Variants in LETM1 observed in about 807,000 individuals in gnomAD.
The protein encoded by LETM1 is mitochondrial proton/calcium exchanger protein.
In LETM1, 50 loss-of-function variants were observed where a neutral mutation model predicts 74.5. The observed-to-expected ratio is 0.67, with a 90% CI of 0.53 to 0.85. The LOEUF is 0.85. Ranked by LOEUF, LETM1 falls within the 40% of genes least tolerant of loss-of-function variation. The probability of loss-of-function intolerance (pLI) is 0.00; values close to 1 mark genes in which losing one functional copy is unlikely to be tolerated. For missense variants in LETM1, 824 were observed against 967.8 expected, an observed-to-expected ratio of 0.85 and a Z score of 1.97; for synonymous variants, 446 against 407.1, an observed-to-expected ratio of 1.10 and a Z score of -1.15.
At chr4:1,842,453 T>C (rs900831089) in intron 2 of LETM1, among the ~76,000 whole-genome samples, 2 of 152,132 alleles carry the variant, frequency 1.3e-5, no homozygotes, top group African/African-American at 4.8e-5. Flanking sequence ...CGCCTGGACA[T>C]CCCTAGCTCA....
In LETM1 at chr4:1,841,335, T is replaced by C. The variant is rs371423210; in HGVS notation, c.594+12A>G. The C allele has an allele frequency of 1.1e-5, 17 of 1,609,018 alleles. No individual in the cohort carries two copies. Among genetic ancestry groups the C allele is most frequent in the East Asian group, 2.2e-5 (1 of 44,782 alleles). ...AAGAAAGAAAAGAAAGGACTAGACA[T>C]GTCCCCATTACCTGCCTGCGCTCCC... On this transcript the variant is annotated intron_variant, in intron 3 of 13. Coordinates refer to ENST00000302787, the MANE Select transcript of LETM1 (RefSeq NM_012318.3).
chr4:1,822,350 C>G, intron 9 of LETM1, 38 bp from the exon 10 acceptor site: 1 of 1,420,038 alleles, frequency 7.0e-7, no homozygotes, highest in Non-Finnish European at 9.3e-7. Context: ...CGCCCGCCAT[C>G]ACACAGAAGC....
intron 1 of LETM1, among the ~76,000 whole-genome samples, chr4:1,854,903 C>T (rs1188182649): frequency 6.6e-6 from 1 of 150,880 alleles, no homozygotes; most frequent in African/African-American, 2.4e-5. Context: ...AATATTGAAG[C>T]TGGGTGCCTG....
rs1444168792 is a variant in LETM1 at position 1,815,818 on chromosome 4, C to T, written c.1932-16G>A. ...GACGTTCTCCCTGTGGAAGCACAGC[C>T]TGCATGTGGCCACGGGCAGGCGTCC... is the stretch of plus-strand genomic sequence containing the variant. On this transcript the variant is annotated splice_polypyrimidine_tract_variant and intron_variant, in intron 12 of 13. Coordinates refer to ENST00000302787, the MANE Select transcript of LETM1 (RefSeq NM_012318.3). The T allele has an allele frequency of 1.4e-5, 22 of 1,612,380 alleles. No individual in the cohort carries two copies. Among genetic ancestry groups the T allele is most frequent in the Non-Finnish European group, 1.7e-5 (20 of 1,179,050 alleles).
chr4:1,855,050 C>T (rs996651448), intron 1 of LETM1, among the ~76,000 whole-genome samples: 1 of 151,986 alleles, frequency 6.6e-6, no homozygotes, highest in Non-Finnish European at 1.5e-5. Flanking sequence ...AAAAAATTAG[C>T]TGGGTGTTGT....
chr4:1,833,157 C>A (rs1712340442), intron 5 of LETM1: 1 of 562,836 alleles, frequency 1.8e-6, no homozygotes, highest in African/African-American at 1.9e-5. Flanking sequence ...CTGCAACCTC[C>A]ACCTCCTGGG....
In LETM1 at chr4:1,817,438, G is replaced by A. The variant is rs758941477; in HGVS notation, c.1744-524C>T. On this transcript the variant is annotated intron_variant, in intron 11 of 13. Transcript: ENST00000302787. The stretch of plus-strand genomic sequence containing the variant: ...TAGCCAGGCGTGGTGGTGCACACCT[G>A]TAGTGCCAGCTACCCAGGAGTCTGA... 7.3e-5 allele frequency among the ~76,000 whole-genome samples: 11 copies of A among 151,436 alleles called. No individual in the cohort carries two copies. In the East Asian group the frequency reaches 2.2e-3, roughly 30 times the overall value.
chr4:1,838,641 G>A (rs1464496005), intron 3 of LETM1, among the ~76,000 whole-genome samples: 3 of 152,174 alleles, frequency 2.0e-5, no homozygotes, highest in Non-Finnish European at 2.9e-5. Flanking sequence ...GGTTGCAACT[G>A]CACTCCAGCC....
rs900744346 is a variant in LETM1 at position 1,838,349 on chromosome 4, C to T, written c.595-1777G>A. On this transcript the variant is annotated intron_variant, in intron 3 of 13. Transcript: ENST00000302787. ...TCTTGACCTCATGATCGGCCCGCCT[C>T]GGCCTCCCAAAGTTCTGGGATTACA... Among the ~76,000 whole-genome samples the T allele has an allele frequency of 2.6e-5, 4 of 151,948 alleles. No individual in the cohort carries two copies. In the East Asian group the frequency reaches 5.8e-4, roughly 22 times the overall value.
rs2108848557 is a variant in LETM1, at chr4:1,836,470, G to A, written c.697C>T (p.Pro233Ser). Residue 233 changes from proline to serine, a missense_variant, in exon 4 of 14, where the codon CCC becomes TCC. Around this residue, in one of 4 missense-constraint regions of LETM1, gnomAD observed 269 missense variants for 348.8 expected, o/e 0.77. Transcript: ENST00000302787. The surrounding 1 kb of genome is among the most constrained non-coding windows in gnomAD (Gnocchi z 5.8). The stretch of plus-strand genomic sequence containing the variant: ...TCAAATGTGGATGGCAACATGTTGG[G>A]GAAGAGCTTCACAGCAACAGGCAGC... ...FLLPVAVKLF[P>S]NMLPSTFETQ... 6.2e-7 allele frequency: 1 copy of A among 1,614,018 alleles called. No individual in the cohort carries two copies. The highest frequency in any genetic ancestry group is 1.7e-4 in the Middle Eastern group (1 of 6,060).
At chr4:1,817,813 CCAG>C (rs1711627048) in intron 11 of LETM1, among the ~76,000 whole-genome samples, 1 of 152,058 alleles carries the variant, frequency 6.6e-6, no homozygotes, top group Non-Finnish European at 1.5e-5. Flanking sequence ...GCTCTGTCAC[CCAG>C]ACTGGAGTAA....
In LETM1 at chr4:1,832,911, T is replaced by G. The variant is rs775882709; in HGVS notation, c.913A>C (p.Ile305Leu). 2.5e-6 allele frequency: 4 copies of G among 1,612,526 alleles called. 1 individual carries two copies. In the Admixed American group the frequency reaches 6.7e-5, roughly 27 times the overall value. ...TCAAATAATTTGGAAAAACGCATGATTTCCTCATTGCTGGGCCTCTCCCCT... is the reference window on the plus strand; with the variant it reads ...TCAAATAATTTGGAAAAACGCATGAGTTCCTCATTGCTGGGCCTCTCCCCT... ...ETGERPSNEE[I>L]MRFSKLFEDE... The change falls in exon 6 of 14, where the codon ATC (isoleucine) becomes CTC (leucine). Residue 305 changes from isoleucine to leucine, a missense_variant. By Grantham distance (5) the Ile-to-Leu change is conservative. This residue lies in a region of LETM1 where 269 missense variants were observed against 348.8 expected (regional missense o/e 0.77). Coordinates refer to ENST00000302787, the MANE Select transcript of LETM1 (RefSeq NM_012318.3).
At chr4:1,843,625 G>A (rs1030365477) in intron 2 of LETM1, among the ~76,000 whole-genome samples, 3 of 152,192 alleles carry the variant, frequency 2.0e-5, no homozygotes, top group African/African-American at 4.8e-5. Context: ...AAATAGACAC[G>A]TGGAAGGTGC....
rs190497864 is a variant in LETM1, at chr4:1,823,518, G to T, written c.1332+126C>A. The T allele has an allele frequency of 1.0e-4, 124 of 1,184,920 alleles. 1 individual carries two copies. In the East Asian group the frequency reaches 3.1e-3, roughly 29 times the overall value. 73.4% of individuals were successfully genotyped at this position (1,184,920 alleles called of 1,614,324 possible). ...GGTGGCTGGGTGGGGGCACTCGCGA[G>T]GGGGTGGGAGGCAGGCTCCTCGCCC... is the stretch of plus-strand genomic sequence containing the variant. On this transcript the variant is annotated intron_variant, in intron 8 of 13. Transcript: ENST00000302787.
chr4:1,841,533 T>C lies in LETM1; in HGVS notation c.408A>G (p.Glu136=), dbSNP rs1451130977. The C allele has an allele frequency of 2.5e-6, 4 of 1,614,114 alleles. No homozygotes were observed. Among genetic ancestry groups the C allele is most frequent in the Non-Finnish European group, 2.5e-6 (3 of 1,180,058 alleles). Residue 136 remains glutamate, a synonymous_variant, in exon 3 of 14, where the codon GAA becomes GAG. Transcript: ENST00000302787. ...SLKDKNKKLE[E]GGPVYSPPAE... ...CGGGGGGGCTGTACACCGGGCCGCC[T>C]TCCTCCAGCTTCTTGTTCTTGTCCT...
At chr4:1,827,726 C>A (rs1443423145) in intron 6 of LETM1, among the ~76,000 whole-genome samples, 76 of 146,540 alleles carry the variant, frequency 5.2e-4, no homozygotes, top group East Asian at 4.1e-4. Flanking sequence ...ATTTCTCAAT[C>A]TTTTCCCCAC....
intron 3 of LETM1, among the ~76,000 whole-genome samples, chr4:1,838,557 G>T (rs1160037702): frequency 6.6e-6 from 1 of 152,164 alleles, no homozygotes; most frequent in Non-Finnish European, 1.5e-5. Context: ...TGCGTCTGTG[G>T]TCCCAGCTAC....
In LETM1 at chr4:1,811,544, C is replaced by T. The variant is rs1196746489; in HGVS notation, c.*2880G>A. ...TTCTACAAAAGGTGCTTAACACGGC[C>T]CAGGACGGGCTGTCCGGTGGAGTCA... On this transcript the variant is annotated 3_prime_UTR_variant, in exon 14 of 14. Coordinates refer to ENST00000302787, the MANE Select transcript of LETM1 (RefSeq NM_012318.3). 2.0e-5 allele frequency: 3 copies of T among 152,354 alleles called. No individual in the cohort carries two copies. The highest frequency in any genetic ancestry group is 7.2e-5 in the African/African-American group (3 of 41,434). 9.4% of individuals were successfully genotyped at this position (152,354 alleles called of 1,614,324 possible). A position where few individuals can be genotyped will look rare whatever the true frequency, so the allele number is the denominator to read the frequency against.
chr4:1,821,543 G>T (rs1711775316), intron 10 of LETM1, among the ~76,000 whole-genome samples: 1 of 152,040 alleles, frequency 6.6e-6, no homozygotes, highest in Non-Finnish European at 1.5e-5. Flanking sequence ...ACAAAAATTT[G>T]CTGGGTCTGG....
Sources: allele counts gnomAD v4.1 joint callset (sites outside exome capture counted in the v4.1 genomes callset), GRCh38; gene constraint gnomAD v4.1.1; regional missense constraint gnomAD v4.1.1; non-coding constraint Gnocchi (gnomAD v3.1); transcripts MANE v1.5; gene names NCBI Gene and HGNC (gene_info 2026-07-23, HGNC 2026-07-21).